ITPR3: variants seen among roughly 807,000 people sequenced by gnomAD.
The protein encoded by ITPR3 is inositol 1,4,5-trisphosphate-gated calcium channel ITPR3.
ITPR3 carries 173 observed loss-of-function variants against 293.2 expected under a neutral mutation model. The observed-to-expected ratio is 0.59, with a 90% CI of 0.52 to 0.67. ITPR3 has a LOEUF of 0.67. Among genes scored for constraint, ITPR3 ranks in the 30% least tolerant of loss-of-function variants. The pLI is 0.00. For synonymous variants in ITPR3, 1,295 were observed against 1,444.4 expected (o/e 0.90, Z 2.35); for missense variants, 2,796 against 3,592.1 (o/e 0.78, Z 5.66).
In ITPR3 at chr6:33,666,296, T is replaced by A. The variant is rs541587727; in HGVS notation, c.1551+320T>A. On this transcript the variant is annotated intron_variant, in intron 14 of 57. Coordinates refer to ENST00000605930, the MANE Select transcript of ITPR3 (RefSeq NM_002224.4). This position sits in a 1 kb window ranked among gnomAD's most constrained non-coding sequence, Gnocchi z 5.1. ...GGGTCCAGAGCTGTGCTTCAAAAAA[T>A]TTTTTTAAAAATTTTTTTATTATGA... is the stretch of plus-strand genomic sequence containing the variant. Among the ~76,000 whole-genome samples the A allele has an allele frequency of 2.7e-5, 4 of 149,692 alleles. No homozygotes were observed. Among genetic ancestry groups the A allele is most frequent in the South Asian group, 2.1e-4 (1 of 4,806 alleles).
At position 33,684,587 on chromosome 6, in the gene ITPR3, T is replaced by C; in HGVS notation, c.5047-11T>C. On this transcript the variant is annotated splice_polypyrimidine_tract_variant and intron_variant, in intron 37 of 57. Transcript: ENST00000605930. The surrounding 1 kb of genome is among the most constrained non-coding windows in gnomAD (Gnocchi z 4.2). The stretch of plus-strand genomic sequence containing the variant: ...TACCCACAATGGGGCCTCACTCCCA[T>C]CCTCCCCCAGGGCAACCAGCTGCGC... 1 of 1,613,748 alleles carries C rather than the reference T, an allele frequency of 6.2e-7. No homozygotes were observed. Among genetic ancestry groups the C allele is most frequent in the South Asian group, 1.1e-5 (1 of 91,066 alleles).
At chr6:33,647,265 A>G (rs1215933469) in intron 2 of ITPR3, among the ~76,000 whole-genome samples, 1 of 152,200 alleles carries the variant, frequency 6.6e-6, no homozygotes, top group Non-Finnish European at 1.5e-5. Flanking sequence ...GACTCAAGCA[A>G]TCTGCCCGCT....
chr6:33,651,276 C>CA (rs11284603), intron 2 of ITPR3, among the ~76,000 whole-genome samples: 59 of 103,114 alleles, frequency 5.7e-4, no homozygotes, highest in East Asian at 1.1e-3. Context: ...GACTCCGTCT[C>CA]AAAAAAAAAA....
At chr6:33,627,781 T>G (rs1334481512) in intron 1 of ITPR3, among the ~76,000 whole-genome samples, 1 of 152,186 alleles carries the variant, frequency 6.6e-6, no homozygotes, top group Non-Finnish European at 1.5e-5. Flanking sequence ...TGCACTAGCA[T>G]GTGGGGAGTA....
At position 33,679,559 on chromosome 6, in the gene ITPR3, C is replaced by T. The variant is rs777535830; in HGVS notation, c.3973-323C>T. ...GTGAGGAGGGTTTAAGTAACTGCTG[C>T]GGGAGCACAGGGGAGGGAGGGGGTG... On this transcript the variant is annotated intron_variant, in intron 30 of 57. Transcript: ENST00000605930. The surrounding 1 kb of genome is among the most constrained non-coding windows in gnomAD (Gnocchi z 4.2). 8.5e-5 allele frequency among the ~76,000 whole-genome samples: 13 copies of T among 152,098 alleles called. No individual in the cohort carries two copies. In the East Asian group the frequency reaches 2.5e-3, roughly 29 times the overall value.
chr6:33,649,042 A>C (rs952589046), intron 2 of ITPR3, among the ~76,000 whole-genome samples: 1 of 151,872 alleles, frequency 6.6e-6, no homozygotes, highest in African/African-American at 2.4e-5. Context: ...AGCTGAGATT[A>C]TAGGCTTGCG....
At position 33,672,321 on chromosome 6, in the gene ITPR3, A is replaced by G. The variant is rs1395029069; in HGVS notation, c.2928+93A>G. ...GGCTGGGCAGGGCGAACCCCTTCAG[A>G]TCTCAGTATTTAGTACTGGAAGTCT... On this transcript the variant is annotated intron_variant, in intron 22 of 57. Coordinates refer to ENST00000605930, the MANE Select transcript of ITPR3 (RefSeq NM_002224.4). This position sits in a 1 kb window ranked among gnomAD's most constrained non-coding sequence, Gnocchi z 5.0. 9.0e-6 allele frequency: 10 copies of G among 1,109,012 alleles called. No individual in the cohort carries two copies. The African/African-American group carries it at 1.5e-4, about 17-fold the overall frequency. The allele number at this position is 1,109,012 out of a possible 1,614,324, so 68.7% of individuals were successfully genotyped here. A position where few individuals can be genotyped will look rare whatever the true frequency, so the allele number is the denominator to read the frequency against.
rs1221466914 is a variant in ITPR3 at position 33,667,843 on chromosome 6, A to G, written c.1765A>G (p.Ile589Val). The change falls in exon 16 of 58, where the codon ATC (isoleucine) becomes GTC (valine). Residue 589 changes from isoleucine (I) to valine (V), a missense_variant. Transcript: ENST00000605930. This position sits in a 1 kb window ranked among gnomAD's most constrained non-coding sequence, Gnocchi z 4.4. ...GMMQSQIGYDILAEDTITALL... is the reference protein window; with the variant it reads ...GMMQSQIGYDVLAEDTITALL... ...GATGCAGTCCCAGATTGGCTACGACATCCTGGCCGAGGACACCATCACTGC... is the reference window on the plus strand; with the variant it reads ...GATGCAGTCCCAGATTGGCTACGACGTCCTGGCCGAGGACACCATCACTGC... The G allele has an allele frequency of 6.2e-7, 1 of 1,614,042 alleles. No individual in the cohort carries two copies. The highest frequency in any genetic ancestry group is 8.5e-7 in the Non-Finnish European group (1 of 1,180,000).
intron 1 of ITPR3, among the ~76,000 whole-genome samples, chr6:33,627,264 A>C (rs956146952): frequency 2.0e-5 from 3 of 152,236 alleles, no homozygotes. Context: ...TCCATGGAGA[A>C]AATGTGAAAA....
At position 33,692,274 on chromosome 6, in the gene ITPR3, A is replaced by C. The variant is rs1315459376; in HGVS notation, c.7458+346A>C. 6.6e-6 allele frequency among the ~76,000 whole-genome samples: 1 copy of C among 152,238 alleles called. No homozygotes were observed. Among genetic ancestry groups the C allele is most frequent in the East Asian group, 1.9e-4 (1 of 5,190 alleles). ...CTCATGATTTGGCTTGGGCAGCCAC[A>C]TTCCCGAATGTCAGGCCTTCCCCTG... On this transcript the variant is annotated intron_variant, in intron 54 of 57. Coordinates refer to ENST00000605930, the MANE Select transcript of ITPR3 (RefSeq NM_002224.4). This position sits in a 1 kb window ranked among gnomAD's most constrained non-coding sequence, Gnocchi z 4.2.
chr6:33,694,709 C>CG, intron 56 of ITPR3: 1 of 584,888 alleles, frequency 1.7e-6, no homozygotes, highest in Admixed American at 3.1e-5. Flanking sequence ...GGAAGTCAGC[C>CG]TGTCTCGGTG....
Position 33,692,307 on chromosome 6 carries a change from GGAGT to G in ITPR3, c.7458+383_7458+386del, listed in dbSNP as rs1765417383. Among the ~76,000 whole-genome samples the G allele has an allele frequency of 6.6e-6, 1 of 152,210 alleles. No individual in the cohort carries two copies. The highest frequency in any genetic ancestry group is 1.5e-5 in the Non-Finnish European group (1 of 68,042). ...ATGTCAGGCCTTCCCCTGTTGCTTG[GGAGT>G]GAGAGGCCGCCTCCCTGGCCAGACA... On this transcript the variant is annotated intron_variant, in intron 54 of 57. Coordinates refer to ENST00000605930, the MANE Select transcript of ITPR3 (RefSeq NM_002224.4). The surrounding 1 kb of genome is among the most constrained non-coding windows in gnomAD (Gnocchi z 4.2).
In ITPR3 at chr6:33,679,900, G is replaced by C; in HGVS notation, c.3991G>C (p.Asp1331His). The change falls in exon 31 of 58, where the codon GAT becomes CAT. Residue 1331 changes from aspartate to histidine, a missense_variant. Transcript: ENST00000605930. The surrounding 1 kb of genome is among the most constrained non-coding windows in gnomAD (Gnocchi z 4.2). ...CCCGCAGCTGACCAATGCAGGTGAC[G>C]ATGTGGTCGTGTTCTACAATGATAA... is the stretch of plus-strand genomic sequence containing the variant. ...IMTELTNAGD[D>H]VVVFYNDKAS... 1 of 1,613,380 alleles carries C rather than the reference G, an allele frequency of 6.2e-7. No homozygotes were observed. The highest frequency in any genetic ancestry group is 8.5e-7 in the Non-Finnish European group (1 of 1,179,698).
chr6:33,633,773 G>C lies in ITPR3; in HGVS notation c.90-6711G>C, dbSNP rs1445759054. Among the ~76,000 whole-genome samples, 2 of 145,412 alleles carry C rather than the reference G, an allele frequency of 1.4e-5. No homozygotes were observed. The highest frequency in any genetic ancestry group is 2.5e-5 in the African/African-American group (1 of 40,650). ...GGGGGCGGGGGCGGGGCCGGGGCCG[G>C]GGCCGGACGCCCGGAGCTCGCGGGC... On this transcript the variant is annotated intron_variant, in intron 1 of 57. Transcript: ENST00000605930. The surrounding 1 kb of genome is among the most constrained non-coding windows in gnomAD (Gnocchi z 5.2).
chr6:33,666,075 TA>T lies in ITPR3; in HGVS notation c.1551+100del. On this transcript the variant is annotated intron_variant, in intron 14 of 57. Transcript: ENST00000605930. The surrounding 1 kb of genome is among the most constrained non-coding windows in gnomAD (Gnocchi z 5.1). Reference sequence around the variant, plus strand: ...TCCCCCGCTTTAACAAAAATCAGTATATATGGGGCACGACCACGTGCCAGGG... The same window carrying T: ...TCCCCCGCTTTAACAAAAATCAGTATTATGGGGCACGACCACGTGCCAGGG... 6 of 1,406,834 alleles carry T rather than the reference TA, an allele frequency of 4.3e-6. No homozygotes were observed. The highest frequency in any genetic ancestry group is 5.8e-6 in the Non-Finnish European group (6 of 1,039,258). 87.1% of individuals were successfully genotyped at this position (1,406,834 alleles called of 1,614,324 possible). A position where few individuals can be genotyped will look rare whatever the true frequency, so the allele number is the denominator to read the frequency against.
At chr6:33,662,462 G>A in intron 7 of ITPR3, 66 bp from the exon 8 acceptor site, 3 of 1,517,478 alleles carry the variant, frequency 2.0e-6, no homozygotes, top group Middle Eastern at 2.1e-4. Context: ...GTGGGGCTGG[G>A]CCCTGGGTGG....
chr6:33,690,686 G>A (rs558772633), intron 51 of ITPR3, among the ~76,000 whole-genome samples: 7 of 152,194 alleles, frequency 4.6e-5, no homozygotes, highest in Admixed American at 3.3e-4. Flanking sequence ...TTCACCCCTC[G>A]TGCCTTCCCC....
intron 2 of ITPR3, among the ~76,000 whole-genome samples, chr6:33,642,829 C>T (rs1763980523): frequency 6.6e-6 from 1 of 152,180 alleles, no homozygotes; most frequent in Non-Finnish European, 1.5e-5. Context: ...ACTCCATCTC[C>T]TTCCCCCTCT....
At chr6:33,668,187 C>T (rs1011271945) in intron 16 of ITPR3, among the ~76,000 whole-genome samples, 14 of 152,204 alleles carry the variant, frequency 9.2e-5, no homozygotes, top group African/African-American at 3.1e-4. Context: ...CTCCTTGTAC[C>T]ACTAGAGGCC....
Sources: allele counts gnomAD v4.1 joint callset (sites outside exome capture counted in the v4.1 genomes callset), GRCh38; gene constraint gnomAD v4.1.1; non-coding constraint Gnocchi (gnomAD v3.1); transcripts MANE v1.5; gene names NCBI Gene and HGNC (gene_info 2026-07-23, HGNC 2026-07-21).